The following KIAA0586 variants were observed in gnomAD, a reference collection of about 807,000 sequenced individuals.
The protein encoded by KIAA0586 is KIAA0586.
A neutral mutation model predicts 169.8 loss-of-function variants in KIAA0586; 144 were observed. The observed-to-expected ratio is 0.85, with a 90% CI of 0.74 to 0.97. The LOEUF (loss-of-function observed/expected upper bound fraction) is 0.97. Ranked by LOEUF, KIAA0586 falls within the 50% of genes least tolerant of loss-of-function variation. The pLI is 0.00. For missense variants in KIAA0586, 1,854 were observed against 1,823.0 expected, an observed-to-expected ratio of 1.02 and a Z score of -0.31; for synonymous variants, 625 against 612.4, an observed-to-expected ratio of 1.02 and a Z score of -0.30.
chr14:58,521,892 G>A, intron 29 of KIAA0586: 1 of 1,297,816 alleles, frequency 7.7e-7, no homozygotes. Flanking sequence ...TGACAATGAA[G>A]ATGGGGGATG....
intron 1 of KIAA0586, 39 bp downstream of exon 1, chr14:58,428,502 T>C (rs748908359): frequency 1.2e-5 from 17 of 1,443,444 alleles, no homozygotes; most frequent in East Asian, 2.3e-5. Flanking sequence ...AGTTTTAGTT[T>C]AGTAAATCTT....
intron 16 of KIAA0586, among the ~76,000 whole-genome samples, chr14:58,469,850 T>G (rs2041067893): frequency 6.6e-6 from 1 of 152,156 alleles, no homozygotes; most frequent in African/African-American, 2.4e-5. Flanking sequence ...ATAAGATGCA[T>G]CCATTTAAAA....
intron 4 of KIAA0586, among the ~76,000 whole-genome samples, chr14:58,434,136 C>G (rs141442495): frequency 1.3e-5 from 2 of 152,060 alleles, no homozygotes; most frequent in Admixed American, 1.3e-4. Flanking sequence ...TCTAGAAGTA[C>G]GTCAGTGTAA....
chr14:58,466,551 C>T (rs1335405985), intron 15 of KIAA0586, among the ~76,000 whole-genome samples: 5 of 151,902 alleles, frequency 3.3e-5, no homozygotes, highest in African/African-American at 1.2e-4. Flanking sequence ...GCCTGGGCAA[C>T]ATAGCAAGAC....
chr14:58,430,750 GACA>G, intron 3 of KIAA0586, 33 bp downstream of exon 3: 1 of 1,223,778 alleles, frequency 8.2e-7, no homozygotes, highest in African/African-American at 1.5e-5. Context: ...TTTAAATTGT[GACA>G]ACATATACAT....
intron 3 of KIAA0586, among the ~76,000 whole-genome samples, chr14:58,431,942 A>G (rs1299199863): frequency 6.6e-6 from 1 of 152,182 alleles, no homozygotes; most frequent in Non-Finnish European, 1.5e-5. Context: ...ACTTTACTTA[A>G]GTCATTTATC....
Position 58,474,637 on chromosome 14 carries a change from T to C in KIAA0586, c.2665T>C (p.Ser889Pro). ...AGAAAAATGTGATGAAATTCCAGAC[T>C]CTGAACCAATTCTGGAGTTTAACAG... ...EEEKCDEIPD[S>P]EPILEFNRSV... The change falls in exon 19 of 31, where the codon TCT becomes CCT. Residue 889 changes from serine (S) to proline (P), a missense_variant. Transcript: ENST00000652326. 1 of 1,596,712 alleles carries C rather than the reference T, an allele frequency of 6.3e-7. No individual in the cohort carries two copies. Among genetic ancestry groups the C allele is most frequent in the Non-Finnish European group, 8.5e-7 (1 of 1,175,150 alleles).
chr14:58,445,357 C>G (rs1179656142), intron 6 of KIAA0586, among the ~76,000 whole-genome samples: 1 of 151,572 alleles, frequency 6.6e-6, no homozygotes, highest in Admixed American at 6.6e-5. Flanking sequence ...AGGCACTGGG[C>G]TATTATAAAA....
intron 10 of KIAA0586, among the ~76,000 whole-genome samples, chr14:58,457,195 A>G (rs767639619): frequency 2.0e-5 from 3 of 152,202 alleles, no homozygotes; most frequent in Non-Finnish European, 4.4e-5. Flanking sequence ...AGAGAGAGCT[A>G]TTATTGGTCG....
At chr14:58,508,439 T>G (rs2044154145) in intron 27 of KIAA0586, 116 bp from the exon 28 acceptor site, 1 of 784,188 alleles carries the variant, frequency 1.3e-6, no homozygotes, top group Non-Finnish European at 2.0e-6. Context: ...TGAAGTACAC[T>G]GCTAGTTCTA....
chr14:58,514,400 A>G (rs2044607837), intron 29 of KIAA0586, among the ~76,000 whole-genome samples: 2 of 152,106 alleles, frequency 1.3e-5, no homozygotes, highest in Non-Finnish European at 2.9e-5. Flanking sequence ...TTAAAACCAC[A>G]TCTTTTCTAG....
intron 27 of KIAA0586, among the ~76,000 whole-genome samples, chr14:58,506,393 A>G (rs113410753): frequency 1.7e-3 from 263 of 152,260 alleles, no homozygotes; most frequent in African/African-American, 6.1e-3. Context: ...TCAAAACTCA[A>G]TGCGGCTGGA....
At chr14:58,452,281 TA>T (rs948372295) in intron 8 of KIAA0586, among the ~76,000 whole-genome samples, 16 of 151,744 alleles carry the variant, frequency 1.1e-4, no homozygotes, top group African/African-American at 3.6e-4. Flanking sequence ...TCTATGGAAA[TA>T]AAAAAAATTA....
intron 29 of KIAA0586, among the ~76,000 whole-genome samples, chr14:58,534,349 G>A (rs2046158088): frequency 6.6e-6 from 1 of 152,158 alleles, no homozygotes; most frequent in Admixed American, 6.5e-5. Context: ...TGTTATTATT[G>A]ACAAAGATAT....
chr14:58,487,749 CATT>C (rs538498425), intron 22 of KIAA0586, 135 bp from the exon 23 acceptor site: 130 of 612,292 alleles, frequency 2.1e-4, no homozygotes, highest in Non-Finnish European at 3.5e-4. Flanking sequence ...CCACCATTGT[CATT>C]ATTATTATTA....
At chr14:58,504,830 CAT>C (rs1414757997) in intron 27 of KIAA0586, among the ~76,000 whole-genome samples, 3 of 152,096 alleles carry the variant, frequency 2.0e-5, no homozygotes, top group Non-Finnish European at 2.9e-5. Flanking sequence ...AAATACCTGT[CAT>C]GTGTACTCTC....
At chr14:58,543,219 A>C (rs908548766) in intron 30 of KIAA0586, among the ~76,000 whole-genome samples, 5 of 151,434 alleles carry the variant, frequency 3.3e-5, no homozygotes, top group East Asian at 3.9e-4. Flanking sequence ...CAGAGAAGTT[A>C]CGTAACTTTT....
intron 28 of KIAA0586, 52 bp from the exon 29 acceptor site, chr14:58,512,470 T>A: frequency 5.0e-6 from 5 of 1,009,320 alleles, no homozygotes; most frequent in Non-Finnish European, 7.0e-6. Flanking sequence ...TTCTCAGATT[T>A]TTTTAAGTAA....
At chr14:58,473,743 C>A (rs777135665) in intron 18 of KIAA0586, among the ~76,000 whole-genome samples, 11 of 151,860 alleles carry the variant, frequency 7.2e-5, no homozygotes, top group Non-Finnish European at 1.5e-4. Context: ...CCATCTCTAC[C>A]AAAAATACAA....
Sources: gnomAD v4.1 joint callset for allele counts (sites outside exome capture counted in the v4.1 genomes callset) on GRCh38, gnomAD v4.1.1 for gene constraint, MANE v1.5 for transcripts, NCBI Gene and HGNC (gene_info 2026-07-23, HGNC 2026-07-21) for gene names.